Variants in RGS6 observed in about 807,000 individuals in gnomAD.
RGS6 encodes the protein regulator of G protein signaling 6, also known as regulator of G-protein signaling 6.
Under a neutral mutation model 78.5 loss-of-function variants are expected in RGS6, and 30 were observed. That is an observed-to-expected ratio of 0.38 (90% CI 0.29 to 0.52). The LOEUF is 0.52. Among genes scored for constraint, RGS6 ranks in the 20% least tolerant of loss-of-function variants. The pLI is 0.85. For missense variants in RGS6, 495 were observed against 609.7 expected (o/e 0.81, Z 1.98); for synonymous variants, 206 against 206.0 (o/e 1.00, Z 0.00).
At chr14:72,014,596 G>A (rs2086572135) in intron 2 of RGS6, among the ~76,000 whole-genome samples, 1 of 152,134 alleles carries the variant, frequency 6.6e-6, no homozygotes, top group Non-Finnish European at 1.5e-5. Flanking sequence ...AATGTCATGA[G>A]ACTTGAGCAT....
chr14:72,272,583 T>G (rs1461579952), intron 2 of RGS6, among the ~76,000 whole-genome samples: 1 of 152,194 alleles, frequency 6.6e-6, no homozygotes, highest in East Asian at 1.9e-4. Flanking sequence ...ATCAAAATCC[T>G]GAAATAAGAT....
the RGS6 span, chr14:72,629,648 G>A: frequency 6.5e-7 from 1 of 1,536,018 alleles, no homozygotes; most frequent in South Asian, 1.2e-5. Context: ...TCCCACAGAG[G>A]ATACAGGATT....
At chr14:72,093,608 C>T (rs2095334335) in intron 2 of RGS6, among the ~76,000 whole-genome samples, 1 of 152,090 alleles carries the variant, frequency 6.6e-6, no homozygotes, top group Admixed American at 6.5e-5. Context: ...CTTTTTTCCC[C>T]CCACATAACA....
At chr14:72,309,239 G>A (rs1374507975) in intron 2 of RGS6, among the ~76,000 whole-genome samples, 2 of 152,162 alleles carry the variant, frequency 1.3e-5, no homozygotes, top group African/African-American at 4.8e-5. Flanking sequence ...GAGCGAGGCT[G>A]GTGTACAGGG....
chr14:72,148,305 G>A (rs1260555734), intron 2 of RGS6, among the ~76,000 whole-genome samples: 2 of 151,986 alleles, frequency 1.3e-5, no homozygotes, highest in Non-Finnish European at 2.9e-5. Flanking sequence ...GCTGAGGGTG[G>A]GAAGATCACT....
At chr14:71,897,620 A>C in the RGS6 span, among the ~76,000 whole-genome samples, 1 of 152,102 alleles carries the variant, frequency 6.6e-6, no homozygotes, top group South Asian at 2.1e-4. Context: ...TCCTGGGTTC[A>C]AGTGATTTTC....
the RGS6 span, among the ~76,000 whole-genome samples, chr14:72,579,809 C>A: frequency 6.6e-6 from 1 of 152,166 alleles, no homozygotes; most frequent in Non-Finnish European, 1.5e-5. Context: ...ATAAGGTGCC[C>A]ACCTGGAGGC....
rs138765558 is a variant in RGS6, at chr14:72,510,346, CAT to C, written c.1091+68_1091+69del. ...AAGAAATTTGCATAATCGGTCTCTCCATCTCTCTCTCTCTCAATGAAACGTTA... is the reference window on the plus strand; with the variant it reads ...AAGAAATTTGCATAATCGGTCTCTCCCTCTCTCTCTCTCAATGAAACGTTA... On this transcript the variant is annotated intron_variant, in intron 14 of 17. Coordinates refer to ENST00000553525, the MANE Select transcript of RGS6 (RefSeq NM_001204424.2). 0.14 allele frequency: 222,388 copies of C among 1,575,056 alleles called. 16,343 individuals carry two copies. The highest frequency in any genetic ancestry group is 0.22 in the African/African-American group (16,070 of 74,170).
chr14:72,228,896 A>G (rs2048826129), intron 2 of RGS6, among the ~76,000 whole-genome samples: 1 of 152,186 alleles, frequency 6.6e-6, no homozygotes, highest in South Asian at 2.1e-4. Flanking sequence ...TCTACTAAAA[A>G]TATAAAAATT....
At chr14:72,410,515 G>A (rs1213345759) in intron 3 of RGS6, among the ~76,000 whole-genome samples, 1 of 152,148 alleles carries the variant, frequency 6.6e-6, no homozygotes, top group African/African-American at 2.4e-5. Flanking sequence ...CCATTCTGTA[G>A]GTTGCCTGTT....
At position 71,988,279 on chromosome 14, in the gene RGS6, G is replaced by C. The variant is rs541528194; in HGVS notation, c.84+23404G>C. ...TTAACTTCATTGCGTTGCTGGGAAG[G>C]AGGGGTCAGTAGTTGAAACAAAAGT... On this transcript the variant is annotated intron_variant, in intron 2 of 17. Coordinates refer to ENST00000553525, the MANE Select transcript of RGS6 (RefSeq NM_001204424.2). 6.0e-4 allele frequency among the ~76,000 whole-genome samples: 92 copies of C among 152,272 alleles called. 1 individual carries two copies. The highest frequency in any genetic ancestry group is 1.9e-3 in the African/African-American group (80 of 41,560).
chr14:72,077,777 T>G (rs1003825217), intron 2 of RGS6, among the ~76,000 whole-genome samples: 1 of 152,186 alleles, frequency 6.6e-6, no homozygotes, highest in Non-Finnish European at 1.5e-5. Context: ...ATGTTAAACA[T>G]CACGTAAAGT....
At chr14:72,106,454 C>A (rs181164417) in intron 2 of RGS6, among the ~76,000 whole-genome samples, 30 of 152,284 alleles carry the variant, frequency 2.0e-4, no homozygotes, top group Non-Finnish European at 1.2e-4. Context: ...AGTGGCTTAG[C>A]ATGAACTAGT....
intron 17 of RGS6, chr14:72,540,422 T>C: frequency 6.8e-7 from 1 of 1,470,116 alleles, no homozygotes; most frequent in Non-Finnish European, 9.0e-7. Flanking sequence ...GTGCATCTTC[T>C]GCAGCAGCTC....
chr14:72,161,423 G>A (rs1363812521), intron 2 of RGS6, among the ~76,000 whole-genome samples: 2 of 152,150 alleles, frequency 1.3e-5, no homozygotes, highest in East Asian at 3.8e-4. Context: ...GATGGTAATA[G>A]GCACAGACTT....
chr14:72,259,018 T>C (rs1350560923), intron 2 of RGS6, among the ~76,000 whole-genome samples: 1 of 152,126 alleles, frequency 6.6e-6, no homozygotes, highest in East Asian at 1.9e-4. Context: ...TGAAAAATAT[T>C]CCTTTTCCTA....
chr14:72,515,157 C>G (rs1356227084), intron 14 of RGS6, among the ~76,000 whole-genome samples: 3 of 151,996 alleles, frequency 2.0e-5, no homozygotes, highest in African/African-American at 7.3e-5. Context: ...AGGGAGAGTC[C>G]CCAGTGTGTG....
At chr14:72,470,645 A>G (rs933666214) in intron 8 of RGS6, among the ~76,000 whole-genome samples, 1 of 151,646 alleles carries the variant, frequency 6.6e-6, no homozygotes, top group Non-Finnish European at 1.5e-5. Context: ...TGTGAGACCG[A>G]GGTGGGGGTG....
At chr14:72,119,795 G>A (rs185250188) in intron 2 of RGS6, among the ~76,000 whole-genome samples, 1 of 152,296 alleles carries the variant, frequency 6.6e-6, no homozygotes, top group Non-Finnish European at 1.5e-5. Context: ...ATGTCCTAAT[G>A]GAAATGCACA....
Sources: gnomAD v4.1 joint callset for allele counts (sites outside exome capture counted in the v4.1 genomes callset) on GRCh38, gnomAD v4.1.1 for gene constraint, MANE v1.5 for transcripts, NCBI Gene and HGNC (gene_info 2026-07-23, HGNC 2026-07-21) for gene names.